Variants in HBP1 observed in about 807,000 individuals in gnomAD.
The protein encoded by HBP1 is HMG box-containing protein 1.
In HBP1, 20 loss-of-function variants were observed where a neutral mutation model predicts 62.6. That is an observed-to-expected ratio of 0.32 (90% CI 0.22 to 0.46). The LOEUF (loss-of-function observed/expected upper bound fraction) is 0.46, where lower values mean the gene tolerates loss of function less well. Ranked by LOEUF, HBP1 falls within the 20% of genes least tolerant of loss-of-function variation. The pLI is 1.00. For synonymous variants in HBP1, 232 were observed against 206.2 expected (o/e 1.12, Z -1.07); for missense variants, 480 against 611.8 (o/e 0.78, Z 2.27).
chr7:107,177,892 A>G (rs1306529486), intron 1 of HBP1, among the ~76,000 whole-genome samples: 3 of 151,874 alleles, frequency 2.0e-5, no homozygotes, highest in East Asian at 1.9e-4. Context: ...CAGTGATTGT[A>G]TTTTCTAGTC....
rs1334085530 is a variant in HBP1 at position 107,169,043 on chromosome 7, T to C, written c.-158T>C. On this transcript the variant is annotated 5_prime_UTR_variant, in exon 1 of 11. Coordinates refer to ENST00000222574, the MANE Select transcript of HBP1 (RefSeq NM_012257.4). ...GACGGGTTTGGTAAGTAGGAAAGTT[T>C]CGGTTGAGGAGTAAGAGCTGCCGCG... 2 of 1,288,288 alleles carry C rather than the reference T, an allele frequency of 1.6e-6. No homozygotes were observed. The highest frequency in any genetic ancestry group is 1.5e-5 in the African/African-American group (1 of 65,588). 79.8% of individuals were successfully genotyped at this position (1,288,288 alleles called of 1,614,324 possible).
At chr7:107,196,785 C>T (rs911924890) in intron 9 of HBP1, 11 of 155,120 alleles carry the variant, frequency 7.1e-5, no homozygotes, top group Admixed American at 1.3e-4. Context: ...GCTGGGATTA[C>T]AGGCACATGC....
chr7:107,175,408 T>C lies in HBP1; in HGVS notation c.-15-4471T>C, dbSNP rs539959506. 4.5e-4 allele frequency among the ~76,000 whole-genome samples: 68 copies of C among 152,300 alleles called. No individual in the cohort carries two copies. The South Asian group carries it at 7.7e-3, about 17-fold the overall frequency. On this transcript the variant is annotated intron_variant, in intron 1 of 10. Coordinates refer to ENST00000222574, the MANE Select transcript of HBP1 (RefSeq NM_012257.4). ...GCATGAAGATTTTAAGTAAATTATT[T>C]AGGGTACATAGCTAGTAAGTGGCAA... is the stretch of plus-strand genomic sequence containing the variant.
intron 6 of HBP1, among the ~76,000 whole-genome samples, chr7:107,188,414 A>G (rs1273304578): frequency 6.6e-6 from 1 of 152,006 alleles, no homozygotes; most frequent in Non-Finnish European, 1.5e-5. Context: ...TATTCATTTG[A>G]TTCTAATTCT....
At chr7:107,180,126 C>A in intron 2 of HBP1, 64 bp downstream of exon 2, 1 of 1,023,380 alleles carries the variant, frequency 9.8e-7, no homozygotes, top group Non-Finnish European at 1.5e-6. Flanking sequence ...TCTACTTAGC[C>A]CGCTTCTCCA....
In HBP1 at chr7:107,182,462, C is replaced by G. The variant is rs778739583; in HGVS notation, c.259C>G (p.Pro87Ala). The stretch of plus-strand genomic sequence containing the variant: ...TTCAGATGTTTCACATCAAGAATAC[C>G]CAAGATCATCTTGGAACCAAAATAC... ...LSSDVSHQEY[P>A]RSSWNQNTSD... is the part of the protein sequence containing the mutation. The change falls in exon 3 of 11, where the codon CCA (proline) becomes GCA (alanine). Residue 87 changes from proline to alanine, a missense_variant. Physicochemically the swap from Pro to Ala is conservative, Grantham distance 27 (BLOSUM62 -1). Transcript: ENST00000222574. The G allele has an allele frequency of 6.2e-7, 1 of 1,612,652 alleles. No homozygotes were observed. The highest frequency in any genetic ancestry group is 1.1e-5 in the South Asian group (1 of 91,040).
chr7:107,194,505 A>G (rs1410456114), intron 8 of HBP1, among the ~76,000 whole-genome samples: 1 of 152,182 alleles, frequency 6.6e-6, no homozygotes, highest in African/African-American at 2.4e-5. Context: ...GTTTAAGTAC[A>G]TTTATTTCAT....
intron 1 of HBP1, among the ~76,000 whole-genome samples, chr7:107,171,048 T>A (rs1483982157): frequency 3.1e-5 from 1 of 32,668 alleles, no homozygotes; most frequent in Admixed American, 3.1e-4. Context: ...CATGTATAAA[T>A]ATATATATAT....
At position 107,169,020 on chromosome 7, in the gene HBP1, C is replaced by T. The variant is rs1007664898; in HGVS notation, c.-181C>T. The T allele has an allele frequency of 6.2e-6, 8 of 1,288,594 alleles. No homozygotes were observed. Among genetic ancestry groups the T allele is most frequent in the African/African-American group, 1.5e-5 (1 of 65,638 alleles). 79.8% of individuals were successfully genotyped at this position (1,288,594 alleles called of 1,614,324 possible). A position where few individuals can be genotyped will look rare whatever the true frequency, so the allele number is the denominator to read the frequency against. Reference sequence around the variant, plus strand: ...AGCTTGAAAGACTTGGTAATGGCGACGGGTTTGGTAAGTAGGAAAGTTTCG... The same window carrying T: ...AGCTTGAAAGACTTGGTAATGGCGATGGGTTTGGTAAGTAGGAAAGTTTCG... On this transcript the variant is annotated 5_prime_UTR_variant, in exon 1 of 11. In the 5' UTR this introduces an upstream ATG that the reference lacks. Transcript: ENST00000222574.
intron 1 of HBP1, chr7:107,169,645 C>G: frequency 1.3e-5 from 9 of 711,618 alleles, no homozygotes; most frequent in Non-Finnish European, 1.6e-5. Flanking sequence ...GCGCCGCCTC[C>G]TTCTGGACTG....
At chr7:107,188,494 A>G (rs1797494958) in intron 6 of HBP1, among the ~76,000 whole-genome samples, 1 of 152,246 alleles carries the variant, frequency 6.6e-6, no homozygotes, top group African/African-American at 2.4e-5. Flanking sequence ...ATGATTGGAT[A>G]CTATAGCAAG....
At chr7:107,200,010 A>G in intron 9 of HBP1, 150 bp from the exon 10 acceptor site, 1 of 545,166 alleles carries the variant, frequency 1.8e-6, no homozygotes, top group African/African-American at 1.9e-5. Flanking sequence ...ACTGGAAATG[A>G]GCATTATGGC....
rs752170693 is a variant in HBP1, at chr7:107,185,892, G to A, written c.490G>A (p.Ala164Thr). The A allele has an allele frequency of 1.5e-5, 24 of 1,612,628 alleles. No homozygotes were observed. The highest frequency in any genetic ancestry group is 2.0e-5 in the Non-Finnish European group (24 of 1,178,624). ...GTCCTCTTCTTCGAAGAGTGAACCA[G>A]CCTTCCCTCATCACCATTGGAAGGA... ...PVSSSSKSEP[A>T]FPHHHWKEET... Residue 164 changes from alanine (A) to threonine (T), a missense_variant, in exon 4 of 11, where the codon GCC (alanine) becomes ACC (threonine). By Grantham distance (58) the Ala-to-Thr change is moderately conservative. This residue lies in a region of HBP1 where 304 missense variants were observed against 330.9 expected (regional missense o/e 0.92). Coordinates refer to ENST00000222574, the MANE Select transcript of HBP1 (RefSeq NM_012257.4).
At chr7:107,177,501 A>G (rs946256532) in intron 1 of HBP1, among the ~76,000 whole-genome samples, 1 of 152,254 alleles carries the variant, frequency 6.6e-6, no homozygotes, top group African/African-American at 2.4e-5. Flanking sequence ...GTATCTAGCA[A>G]TCTAAAATAA....
intron 3 of HBP1, among the ~76,000 whole-genome samples, chr7:107,183,289 C>A (rs78267892): frequency 6.6e-6 from 1 of 152,030 alleles, no homozygotes; most frequent in Non-Finnish European, 1.5e-5. Context: ...GAGTGGAAAA[C>A]GATAGACCAG....
chr7:107,170,334 T>C (rs1796493122), intron 1 of HBP1, among the ~76,000 whole-genome samples: 1 of 152,234 alleles, frequency 6.6e-6, no homozygotes, highest in Non-Finnish European at 1.5e-5. Context: ...TTAAAGGTAC[T>C]TTTTGAGAAT....
At chr7:107,193,064 T>C (rs897441478) in intron 8 of HBP1, 1 of 152,160 alleles carries the variant, frequency 6.6e-6, no homozygotes, top group Admixed American at 6.5e-5. Context: ...CAGCAATCAG[T>C]TGATGAGCTC....
rs1396733090 is a variant in HBP1, at chr7:107,179,881, A to G, written c.-13A>G. ...CTTAATGTCGTTTTTATTTTAAGTC[A>G]GAGCACCATAACATGGTGTGGGAAG... On this transcript the variant is annotated splice_region_variant and 5_prime_UTR_variant, in exon 2 of 11. Transcript: ENST00000222574. The G allele has an allele frequency of 6.4e-7, 1 of 1,556,022 alleles. No homozygotes were observed. The highest frequency in any genetic ancestry group is 8.8e-7 in the Non-Finnish European group (1 of 1,135,922).
At chr7:107,169,606 GCTGGCCGGAGGTGGGGGA>G in intron 1 of HBP1, 2 of 298,262 alleles carry the variant, frequency 6.7e-6, no homozygotes, top group Non-Finnish European at 5.0e-6. Flanking sequence ...GGGGTGGGGG[GCTGGCCGGAGGTGGGGGA>G]CCCCAGTGAG....
Sources: gnomAD v4.1 joint callset for allele counts (sites outside exome capture counted in the v4.1 genomes callset) on GRCh38, gnomAD v4.1.1 for gene constraint, gnomAD v4.1.1 regional missense constraint, MANE v1.5 for transcripts, NCBI Gene and HGNC (gene_info 2026-07-23, HGNC 2026-07-21) for gene names.